MAPK10: variants seen among roughly 807,000 people sequenced by gnomAD.
The protein encoded by MAPK10 is mitogen-activated protein kinase 10.
MAPK10 carries 25 observed loss-of-function variants against 59.3 expected under a neutral mutation model. The ratio of observed to expected loss-of-function variants is 0.42; its 90% CI spans 0.31 to 0.59. The LOEUF is 0.59. MAPK10 is among the 20% of genes least tolerant of loss of function. MAPK10 has a pLI of 0.15. For missense variants in MAPK10, 351 were observed against 568.9 expected (o/e 0.62, Z 3.90); for synonymous variants, 190 against 200.5 (o/e 0.95, Z 0.44).
intron 1 of MAPK10, among the ~76,000 whole-genome samples, chr4:86,512,549 T>C (rs974754838): frequency 2.6e-5 from 4 of 152,178 alleles, no homozygotes; most frequent in Admixed American, 2.6e-4. Context: ...GAGATTTTCA[T>C]GTGATCAATA....
chr4:86,270,828 C>T (rs2094411210), intron 2 of MAPK10, among the ~76,000 whole-genome samples: 1 of 152,052 alleles, frequency 6.6e-6, no homozygotes, highest in South Asian at 2.1e-4. Context: ...TTTTGAGATT[C>T]ATGCATGTTG....
chr4:86,197,146 G>A (rs1047741749), intron 2 of MAPK10, among the ~76,000 whole-genome samples: 4 of 152,066 alleles, frequency 2.6e-5, no homozygotes, highest in East Asian at 1.9e-4. Flanking sequence ...AAATTACTTT[G>A]GGCAGTATGG....
intron 1 of MAPK10, among the ~76,000 whole-genome samples, chr4:86,480,405 C>G (rs1753512376): frequency 6.6e-6 from 1 of 152,092 alleles, no homozygotes; most frequent in Non-Finnish European, 1.5e-5. Context: ...GACCCCACCC[C>G]TATCTCTCTT....
At chr4:86,221,858 C>T (rs1253077216) in intron 2 of MAPK10, among the ~76,000 whole-genome samples, 1 of 152,132 alleles carries the variant, frequency 6.6e-6, no homozygotes, top group Non-Finnish European at 1.5e-5. Context: ...GTGATTGGAA[C>T]ATGGGGGTGG....
At chr4:86,317,866 T>G (rs965870673) in intron 2 of MAPK10, among the ~76,000 whole-genome samples, 2 of 152,180 alleles carry the variant, frequency 1.3e-5, no homozygotes, top group African/African-American at 4.8e-5. Flanking sequence ...AAGTCAGAAA[T>G]CAGGCTATCG....
intron 1 of MAPK10, among the ~76,000 whole-genome samples, chr4:86,546,836 C>G (rs953223165): frequency 1.3e-5 from 2 of 152,098 alleles, no homozygotes; most frequent in Non-Finnish European, 2.9e-5. Context: ...GCGGGTGGAT[C>G]ACGAGGTCAG....
intron 9 of MAPK10, chr4:86,089,194 T>C: frequency 6.2e-7 from 1 of 1,604,892 alleles, no homozygotes; most frequent in Non-Finnish European, 8.5e-7. Context: ...CACTGGCTGC[T>C]AAGAAGGATA....
At chr4:86,264,347 T>TA (rs1278816254) in intron 2 of MAPK10, among the ~76,000 whole-genome samples, 1 of 152,100 alleles carries the variant, frequency 6.6e-6, no homozygotes, top group South Asian at 2.1e-4. Flanking sequence ...TTCACAGAGT[T>TA]AAAAAAACCT....
chr4:86,415,501 A>G (rs1339273907), intron 1 of MAPK10, among the ~76,000 whole-genome samples: 1 of 152,228 alleles, frequency 6.6e-6, no homozygotes, highest in Non-Finnish European at 1.5e-5. Flanking sequence ...CTCTTCAATA[A>G]AGAACTACTA....
At chr4:86,555,815 G>T (rs779859178) in intron 1 of MAPK10, among the ~76,000 whole-genome samples, 5 of 152,270 alleles carry the variant, frequency 3.3e-5, no homozygotes, top group Non-Finnish European at 7.3e-5. Flanking sequence ...GATAAATTAA[G>T]GTTGAGGAGC....
At chr4:86,371,862 T>A (rs1369490864) in intron 1 of MAPK10, among the ~76,000 whole-genome samples, 1 of 152,102 alleles carries the variant, frequency 6.6e-6, no homozygotes, top group Non-Finnish European at 1.5e-5. Flanking sequence ...CCAGCACAGA[T>A]AATATGCTTT....
chr4:86,061,784 C>A (rs953406309), intron 11 of MAPK10, among the ~76,000 whole-genome samples: 1 of 152,094 alleles, frequency 6.6e-6, no homozygotes, highest in Admixed American at 6.6e-5. Context: ...CCCTCCCTAA[C>A]AGCATGTGAG....
intron 2 of MAPK10, among the ~76,000 whole-genome samples, chr4:86,282,767 G>A (rs1257843018): frequency 1.3e-5 from 2 of 152,198 alleles, no homozygotes; most frequent in East Asian, 1.9e-4. Context: ...TATTTCCTGA[G>A]GCTTCAGAGG....
At chr4:86,551,125 G>A (rs1353376877) in intron 1 of MAPK10, among the ~76,000 whole-genome samples, 3 of 152,164 alleles carry the variant, frequency 2.0e-5, no homozygotes, top group Non-Finnish European at 4.4e-5. Flanking sequence ...TGTAGAGTCT[G>A]ACCTCACTCT....
chr4:86,030,343 T>G (rs6811151), intron 12 of MAPK10, among the ~76,000 whole-genome samples: 33,603 of 151,940 alleles, frequency 0.22, 3,922 homozygotes, highest in South Asian at 0.25. Flanking sequence ...CATATATATA[T>G]AGAGAGAGGC....
chr4:86,234,772 G>A (rs2092027822), intron 2 of MAPK10, among the ~76,000 whole-genome samples: 1 of 151,998 alleles, frequency 6.6e-6, no homozygotes, highest in Non-Finnish European at 1.5e-5. Flanking sequence ...TAATAGTATA[G>A]AAACACTATG....
intron 1 of MAPK10, among the ~76,000 whole-genome samples, chr4:86,477,553 C>A (rs543113482): frequency 6.6e-6 from 1 of 152,126 alleles, no homozygotes; most frequent in Non-Finnish European, 1.5e-5. Flanking sequence ...ACCTAATCAC[C>A]CTTACCCTGC....
At chr4:86,412,489 G>C (rs565188174) in intron 1 of MAPK10, among the ~76,000 whole-genome samples, 78 of 152,300 alleles carry the variant, frequency 5.1e-4, no homozygotes, top group African/African-American at 1.9e-3. Flanking sequence ...ATATCCTGAA[G>C]AGTGTTTTCT....
chr4:86,410,018 G>C (rs1456439464), intron 1 of MAPK10, among the ~76,000 whole-genome samples: 2 of 152,168 alleles, frequency 1.3e-5, no homozygotes, highest in African/African-American at 4.8e-5. Context: ...TGCCGATTCA[G>C]TATGGTATTG....
Sources: allele counts gnomAD v4.1 joint callset (sites outside exome capture counted in the v4.1 genomes callset), GRCh38; gene constraint gnomAD v4.1.1; transcripts MANE v1.5; gene names NCBI Gene and HGNC (gene_info 2026-07-23, HGNC 2026-07-21).